Variants in CDC25C observed in about 807,000 individuals in gnomAD.
CDC25C encodes the protein cell division cycle 25C, also known as M-phase inducer phosphatase 3.
CDC25C carries 48 observed loss-of-function variants against 52.5 expected under a neutral mutation model. That is an observed-to-expected ratio of 0.91 (90% CI 0.72 to 1.16). The LOEUF (loss-of-function observed/expected upper bound fraction) is 1.16, where lower values mean the gene tolerates loss of function less well. Among genes scored for constraint, CDC25C ranks in the 50% most tolerant of loss-of-function variants. The pLI is 0.00. For missense variants in CDC25C, 510 were observed against 566.1 expected (o/e 0.90, Z 1.01); for synonymous variants, 187 against 206.5 (o/e 0.91, Z 0.81).
At chr5:138,324,149 T>C (rs2126815623) in intron 6 of CDC25C, among the ~76,000 whole-genome samples, 1 of 151,672 alleles carries the variant, frequency 6.6e-6, no homozygotes, top group East Asian at 1.9e-4. Context: ...CATGCGCCTG[T>C]AGTTCCAGCT....
upstream of CDC25C, among the ~76,000 whole-genome samples, chr5:138,336,392 CA>C (rs1274118249): frequency 1.3e-5 from 2 of 152,058 alleles, no homozygotes; most frequent in Non-Finnish European, 2.9e-5. Context: ...CTCAGCCTCC[CA>C]AAGTGCTAGG....
intron 7 of CDC25C, among the ~76,000 whole-genome samples, chr5:138,294,698 G>A (rs1384683367): frequency 2.0e-5 from 3 of 151,980 alleles, no homozygotes; most frequent in African/African-American, 7.2e-5. Context: ...TAGAGATGGG[G>A]TTTCACCATC....
chr5:138,296,973 C>G (rs1367751758), intron 7 of CDC25C, among the ~76,000 whole-genome samples: 1 of 141,636 alleles, frequency 7.1e-6, no homozygotes, highest in Admixed American at 7.4e-5. Flanking sequence ...TGCAGTGGCA[C>G]GATCTCGGCT....
chr5:138,323,358 C>T (rs1279934378), intron 6 of CDC25C, among the ~76,000 whole-genome samples: 2 of 152,194 alleles, frequency 1.3e-5, no homozygotes, highest in African/African-American at 4.8e-5. Context: ...AAGCAATCCT[C>T]CCAATTATAA....
chr5:138,288,513 A>T (rs182802536), intron 10 of CDC25C, among the ~76,000 whole-genome samples: 107 of 152,224 alleles, frequency 7.0e-4, no homozygotes, highest in African/African-American at 2.5e-3. Flanking sequence ...CCTGACCAAC[A>T]TAGTAAAACC....
At chr5:138,316,173 C>G (rs545204026) in intron 7 of CDC25C, among the ~76,000 whole-genome samples, 1 of 152,208 alleles carries the variant, frequency 6.6e-6, no homozygotes, top group Non-Finnish European at 1.5e-5. Context: ...GTCTCTGCAG[C>G]CTGCACCCTT....
chr5:138,316,063 G>C (rs1195987514), intron 7 of CDC25C, among the ~76,000 whole-genome samples: 1 of 152,170 alleles, frequency 6.6e-6, no homozygotes, highest in Non-Finnish European at 1.5e-5. Context: ...TGTGGCTGCA[G>C]ATCCGAGCCT....
At chr5:138,286,306 C>A (rs1300804778) in intron 12 of CDC25C, among the ~76,000 whole-genome samples, 173 bp from the exon 13 acceptor site, 1 of 152,180 alleles carries the variant, frequency 6.6e-6, no homozygotes, top group Non-Finnish European at 1.5e-5. Flanking sequence ...TCCTCCTTTC[C>A]TCCACTGCAG....
At chr5:138,320,522 G>A (rs780211312) in intron 6 of CDC25C, among the ~76,000 whole-genome samples, 5 of 151,780 alleles carry the variant, frequency 3.3e-5, no homozygotes, top group African/African-American at 1.2e-4. Context: ...AAGACATTAC[G>A]CTAAATGAAA....
chr5:138,338,061 AC>A lies in CDC25C; in HGVS notation c.-94del, dbSNP rs1385488232. 7.0e-6 allele frequency: 9 copies of A among 1,289,292 alleles called. No homozygotes were observed. The African/African-American group carries it at 1.2e-4, about 17-fold the overall frequency. The allele number at this position is 1,289,292 out of a possible 1,614,324, so 79.9% of individuals were successfully genotyped here. On this transcript the variant is annotated 5_prime_UTR_variant, in exon 1 of 6. Transcript: ENST00000510119. ...GGGGTGACTCGTTAGTGAGGAAACC[AC>A]CCCCATCCCTAAATCAAAGCGCCAG...
chr5:138,287,647 G>A (rs1273473433), intron 10 of CDC25C, among the ~76,000 whole-genome samples: 1 of 152,126 alleles, frequency 6.6e-6, no homozygotes, highest in Non-Finnish European at 1.5e-5. Flanking sequence ...CCATCAAAAA[G>A]GAAGAAAGTA....
intron 7 of CDC25C, among the ~76,000 whole-genome samples, chr5:138,307,787 A>T (rs934073912): frequency 6.6e-6 from 1 of 152,128 alleles, no homozygotes; most frequent in Admixed American, 6.5e-5. Context: ...AAATACTCAT[A>T]GCCCTATGCC....
rs764673380 is a variant in CDC25C, at chr5:138,331,082, C to G, written c.99G>C (p.Leu33=). 4 of 1,614,026 alleles carry G rather than the reference C, an allele frequency of 2.5e-6. No homozygotes were observed. The Admixed American group carries it at 6.7e-5, about 27-fold the overall frequency. Residue 33 remains leucine (L), a synonymous_variant, in exon 2 of 14, where the codon CTG becomes CTC. Transcript: ENST00000323760. ...SNQRKMLNLL[L]ERDTSFTVCP... is the part of the protein sequence containing the mutation. ...AGACGGTAAAGGAAGTGTCTCTCTC[C>G]AGGAGCAGGTTTAACATTTTCCTTT...
rs772494201 is a variant in CDC25C, at chr5:138,317,843, T to C, written c.615+1376A>G. On this transcript the variant is annotated intron_variant, in intron 7 of 13. Transcript: ENST00000323760. Reference sequence around the variant, plus strand: ...AGAAAAAAGGAAACAAAAGACTGTATTATAAAATACCTGAAAAGTAATGTT... The same window carrying C: ...AGAAAAAAGGAAACAAAAGACTGTACTATAAAATACCTGAAAAGTAATGTT... Among the ~76,000 whole-genome samples, 71 of 152,160 alleles carry C rather than the reference T, an allele frequency of 4.7e-4. 3 individuals carry two copies. Among genetic ancestry groups the C allele is most frequent in the Admixed American group, 6.5e-5 (1 of 15,276 alleles).
intron 12 of CDC25C, 76 bp from the exon 13 acceptor site, chr5:138,286,209 G>A (rs1221908391): frequency 2.6e-6 from 3 of 1,139,426 alleles, no homozygotes; most frequent in African/African-American, 3.1e-5. Flanking sequence ...ACTGGGGAGG[G>A]GGGAGAGGAG....
At chr5:138,319,086 CTA>C (rs1456761565) in intron 7 of CDC25C, 131 bp downstream of exon 7, 28 of 707,060 alleles carry the variant, frequency 4.0e-5, no homozygotes, top group Non-Finnish European at 6.4e-5. Context: ...CATGTTCTGG[CTA>C]TGAGGGTTGC....
chr5:138,286,426 T>C (rs1756236018), intron 12 of CDC25C, 71 bp downstream of exon 12: 1 of 1,445,232 alleles, frequency 6.9e-7, no homozygotes, highest in East Asian at 2.3e-5. Context: ...TCAGTCTCTG[T>C]CTGAACTGGT....
At chr5:138,299,495 CAAA>C (rs70982704) in intron 7 of CDC25C, among the ~76,000 whole-genome samples, 5 of 90,552 alleles carry the variant, frequency 5.5e-5, no homozygotes, top group Non-Finnish European at 1.1e-4. Context: ...GACTCCGTCT[CAAA>C]AAAAAAAAAA....
intron 7 of CDC25C, among the ~76,000 whole-genome samples, chr5:138,317,022 G>C (rs1252730700): frequency 6.6e-6 from 1 of 152,208 alleles, no homozygotes; most frequent in Non-Finnish European, 1.5e-5. Flanking sequence ...CCGCAACAAA[G>C]GCAAGAGGAT....
Sources: gnomAD v4.1 joint callset for allele counts (sites outside exome capture counted in the v4.1 genomes callset) on GRCh38, gnomAD v4.1.1 for gene constraint, MANE v1.5 for transcripts, NCBI Gene and HGNC (gene_info 2026-07-23, HGNC 2026-07-21) for gene names.